The following PGM5 variants were observed in gnomAD, a reference collection of about 807,000 sequenced individuals.
PGM5 encodes phosphoglucomutase 5.
PGM5 carries 23 observed loss-of-function variants against 59.2 expected under a neutral mutation model. That is an observed-to-expected ratio of 0.39 (90% CI 0.28 to 0.55). The LOEUF (loss-of-function observed/expected upper bound fraction) is 0.55, where lower values mean the gene tolerates loss of function less well. Among genes scored for constraint, PGM5 ranks in the 20% least tolerant of loss-of-function variants. PGM5 has a pLI of 0.66. For missense variants in PGM5, 574 were observed against 748.3 expected, an observed-to-expected ratio of 0.77 and a Z score of 2.72; for synonymous variants, 214 against 286.0, an observed-to-expected ratio of 0.75 and a Z score of 2.54.
chr9:68,476,473 C>T (rs531387628), intron 7 of PGM5, among the ~76,000 whole-genome samples: 2 of 152,114 alleles, frequency 1.3e-5, no homozygotes, highest in Admixed American at 1.3e-4. Context: ...CCATTTGATA[C>T]CTTTGTGCTT....
intron 2 of PGM5, among the ~76,000 whole-genome samples, chr9:68,383,915 T>G (rs1381422735): frequency 6.6e-6 from 1 of 151,800 alleles, no homozygotes; most frequent in Non-Finnish European, 1.5e-5. Flanking sequence ...TTGGGGAAAA[T>G]AATTAACTTA....
intron 7 of PGM5, among the ~76,000 whole-genome samples, chr9:68,474,603 G>A (rs1824075215): frequency 6.6e-6 from 1 of 151,590 alleles, no homozygotes; most frequent in Admixed American, 6.6e-5. Context: ...ACCAGTTTTT[G>A]CTGGAGTCAT....
chr9:68,478,271 A>G (rs1463922172), intron 7 of PGM5, among the ~76,000 whole-genome samples: 21 of 152,214 alleles, frequency 1.4e-4, no homozygotes, highest in Admixed American at 1.4e-3. Flanking sequence ...TGCAATAAGA[A>G]CTGCCTCCAA....
intron 6 of PGM5, chr9:68,394,271 T>C (rs1554679781): frequency 6.6e-6 from 1 of 152,048 alleles, no homozygotes; most frequent in Non-Finnish European, 1.5e-5. Context: ...ATCAACACCA[T>C]GAAAAAATAG....
intron 7 of PGM5, among the ~76,000 whole-genome samples, chr9:68,474,934 C>T (rs1461836229): frequency 6.8e-6 from 1 of 148,002 alleles, no homozygotes; most frequent in Admixed American, 6.9e-5. Flanking sequence ...ACTAGATGAG[C>T]CCAACTATAT....
At chr9:68,514,646 G>A (rs1824799179) in intron 10 of PGM5, among the ~76,000 whole-genome samples, 1 of 151,976 alleles carries the variant, frequency 6.6e-6, no homozygotes, top group South Asian at 2.1e-4. Context: ...CAAAACTGGA[G>A]GGAAAAAAGG....
At chr9:68,393,097 T>A (rs1184589125) in intron 6 of PGM5, among the ~76,000 whole-genome samples, 2 of 151,950 alleles carry the variant, frequency 1.3e-5, no homozygotes, top group Non-Finnish European at 2.9e-5. Flanking sequence ...TCCATCCCTC[T>A]TGTCTATCAC....
chr9:68,513,936 T>A (rs1296058058), intron 10 of PGM5, among the ~76,000 whole-genome samples: 1 of 152,238 alleles, frequency 6.6e-6, no homozygotes. Flanking sequence ...CATTATGAAT[T>A]CACTTTCCTT....
At chr9:68,479,634 C>A (rs1554686949) in intron 8 of PGM5, 81 bp downstream of exon 8, 7 of 1,454,806 alleles carry the variant, frequency 4.8e-6, no homozygotes, top group Non-Finnish European at 5.6e-6. Flanking sequence ...TGGGCTAGAA[C>A]CTTAAAAAGG....
At chr9:68,459,095 A>G (rs922279788) in intron 6 of PGM5, among the ~76,000 whole-genome samples, 8 of 152,210 alleles carry the variant, frequency 5.3e-5, no homozygotes, top group Non-Finnish European at 1.5e-5. Flanking sequence ...CCAGGATGCT[A>G]TTAAACTCCA....
At chr9:68,515,546 G>A (rs1361604432) in intron 10 of PGM5, among the ~76,000 whole-genome samples, 1 of 152,062 alleles carries the variant, frequency 6.6e-6, no homozygotes, top group Admixed American at 6.6e-5. Flanking sequence ...ATCACCTTAC[G>A]CAACTGCAAT....
intron 6 of PGM5, among the ~76,000 whole-genome samples, chr9:68,422,894 G>T (rs985315097): frequency 6.6e-6 from 1 of 151,966 alleles, no homozygotes; most frequent in East Asian, 1.9e-4. Context: ...TTTCCCCCGT[G>T]TCCCCAAAGT....
Position 68,437,471 on chromosome 9 carries a change from C to T in PGM5, c.1044-27622C>T, listed in dbSNP as rs1026854478. Reference sequence around the variant, plus strand: ...TTTCAGATTGGTGTTGTGCTTTACACGATACTGTATTACAAAGCTGCTAAA... The same window carrying T: ...TTTCAGATTGGTGTTGTGCTTTACATGATACTGTATTACAAAGCTGCTAAA... On this transcript the variant is annotated intron_variant, in intron 6 of 10. Transcript: ENST00000396396. The surrounding 1 kb of genome is among the most constrained non-coding windows in gnomAD (Gnocchi z 4.1). Among the ~76,000 whole-genome samples the T allele has an allele frequency of 7.2e-5, 11 of 152,108 alleles. No individual in the cohort carries two copies. Among genetic ancestry groups the T allele is most frequent in the Admixed American group, 5.2e-4 (8 of 15,268 alleles).
chr9:68,377,118 G>T (rs1821941469), intron 1 of PGM5, among the ~76,000 whole-genome samples: 1 of 151,932 alleles, frequency 6.6e-6, no homozygotes, highest in Admixed American at 6.6e-5. Flanking sequence ...GTAGAAATAG[G>T]GTTTCACCAC....
intron 6 of PGM5, among the ~76,000 whole-genome samples, chr9:68,409,682 A>T (rs1355071219): frequency 1.4e-5 from 2 of 138,016 alleles, no homozygotes; most frequent in African/African-American, 5.4e-5. Context: ...CAATGAGAAC[A>T]CATGGACACA....
At chr9:68,430,249 G>A (rs1038177824) in intron 6 of PGM5, among the ~76,000 whole-genome samples, 2 of 152,176 alleles carry the variant, frequency 1.3e-5, no homozygotes, top group African/African-American at 2.4e-5. Context: ...TCAGTCCAGC[G>A]TAGAGTGATT....
chr9:68,427,890 T>C (rs1381848451), intron 6 of PGM5, among the ~76,000 whole-genome samples: 3 of 152,194 alleles, frequency 2.0e-5, no homozygotes, highest in Non-Finnish European at 4.4e-5. Context: ...TTTCTTGTTA[T>C]TGTTCTCTGT....
chr9:68,389,689 A>C (rs546421715), intron 4 of PGM5, among the ~76,000 whole-genome samples: 1 of 152,246 alleles, frequency 6.6e-6, no homozygotes, highest in South Asian at 2.1e-4. Context: ...GTTGTTGGCT[A>C]TTATAAAGAA....
chr9:68,362,218 A>G (rs1834591122), intron 1 of PGM5, among the ~76,000 whole-genome samples: 1 of 151,810 alleles, frequency 6.6e-6, no homozygotes. Context: ...AAGGCAGAAC[A>G]TATGTTTATT....
Sources: allele counts gnomAD v4.1 joint callset (sites outside exome capture counted in the v4.1 genomes callset), GRCh38; gene constraint gnomAD v4.1.1; non-coding constraint Gnocchi (gnomAD v3.1); transcripts MANE v1.5; gene names NCBI Gene and HGNC (gene_info 2026-07-23, HGNC 2026-07-21).